KCNQ3: variants seen among roughly 807,000 people sequenced by gnomAD.
The protein encoded by KCNQ3 is potassium voltage-gated channel subfamily KQT member 3.
A neutral mutation model predicts 92.5 loss-of-function variants in KCNQ3; 30 were observed. That is an observed-to-expected ratio of 0.32 (90% confidence interval 0.24 to 0.44). KCNQ3 has a LOEUF of 0.44. KCNQ3 is among the 20% of genes least tolerant of loss of function. The probability of loss-of-function intolerance (pLI) is 1.00; values close to 1 mark genes in which losing one functional copy is unlikely to be tolerated. For synonymous variants in KCNQ3, 450 were observed against 468.8 expected, an observed-to-expected ratio of 0.96 and a Z score of 0.52; for missense variants, 913 against 1,140.3, an observed-to-expected ratio of 0.80 and a Z score of 2.87.
intron 1 of KCNQ3, among the ~76,000 whole-genome samples, chr8:132,228,652 A>G (rs1814519355): frequency 6.6e-6 from 1 of 152,042 alleles, no homozygotes; most frequent in Non-Finnish European, 1.5e-5. Context: ...AGTCCCCCGT[A>G]GTAAAGGTTC....
chr8:132,271,991 C>T (rs1816161881), intron 1 of KCNQ3, among the ~76,000 whole-genome samples: 1 of 152,162 alleles, frequency 6.6e-6, no homozygotes, highest in South Asian at 2.1e-4. Flanking sequence ...GGGCTCAGTT[C>T]CTGGCCTGAA....
chr8:132,153,857 C>T (rs1414623845), intron 9 of KCNQ3, among the ~76,000 whole-genome samples: 2 of 152,166 alleles, frequency 1.3e-5, no homozygotes, highest in Admixed American at 6.5e-5. Context: ...TTTTCCCTCC[C>T]TTATGTACCC....
intron 1 of KCNQ3, among the ~76,000 whole-genome samples, chr8:132,328,555 C>A (rs534628646): frequency 6.6e-6 from 1 of 152,190 alleles, no homozygotes; most frequent in South Asian, 2.1e-4. Flanking sequence ...TCTCCTGCAC[C>A]CCAATTTCCT....
intron 1 of KCNQ3, among the ~76,000 whole-genome samples, chr8:132,198,684 G>C (rs1040270330): frequency 1.3e-5 from 2 of 152,040 alleles, no homozygotes; most frequent in Non-Finnish European, 2.9e-5. Context: ...GCGGGTGCCT[G>C]CAATCCCAGC....
intron 1 of KCNQ3, among the ~76,000 whole-genome samples, chr8:132,367,351 AGCTAG>A (rs751076247): frequency 3.9e-4 from 60 of 152,328 alleles, no homozygotes; most frequent in Middle Eastern, 3.4e-3. Flanking sequence ...GTGTATAAAG[AGCTAG>A]GCCATGGTAT....
At chr8:132,452,151 A>G (rs557181301) in intron 1 of KCNQ3, among the ~76,000 whole-genome samples, 94 of 152,336 alleles carry the variant, frequency 6.2e-4, no homozygotes, top group African/African-American at 2.2e-3. Context: ...CATTAACCAC[A>G]TTCGCATCGT....
chr8:132,343,119 GA>G (rs1284557197), intron 1 of KCNQ3, among the ~76,000 whole-genome samples: 5 of 152,188 alleles, frequency 3.3e-5, no homozygotes, highest in African/African-American at 1.2e-4. Flanking sequence ...GGACTGCTGG[GA>G]CTGCTCACCT....
intron 9 of KCNQ3, among the ~76,000 whole-genome samples, chr8:132,157,546 T>C (rs1825839279): frequency 6.6e-6 from 1 of 152,178 alleles, no homozygotes; most frequent in Non-Finnish European, 1.5e-5. Context: ...GCTGGGAGAG[T>C]GTCTGCTCTG....
chr8:132,234,338 GTTTTTT>G (rs756218792), intron 1 of KCNQ3, among the ~76,000 whole-genome samples: 6 of 85,666 alleles, frequency 7.0e-5, no homozygotes, highest in South Asian at 4.7e-4. Context: ...TCCATGAAAA[GTTTTTT>G]TTTTTTTTTT....
intron 1 of KCNQ3, among the ~76,000 whole-genome samples, chr8:132,370,631 A>G (rs1272910082): frequency 1.3e-5 from 2 of 152,034 alleles, no homozygotes; most frequent in Admixed American, 1.3e-4. Context: ...CAACGGGGGA[A>G]CTCGTTACAC....
chr8:132,138,902 C>A (rs1179613373), intron 11 of KCNQ3, among the ~76,000 whole-genome samples: 1 of 152,196 alleles, frequency 6.6e-6, no homozygotes, highest in Non-Finnish European at 1.5e-5. Flanking sequence ...CATCTTTGTG[C>A]CACTTTATAA....
intron 1 of KCNQ3, among the ~76,000 whole-genome samples, chr8:132,387,986 AGG>A (rs1819936686): frequency 6.8e-6 from 1 of 148,040 alleles, no homozygotes; most frequent in Admixed American, 6.7e-5. Context: ...GAAGAGGAAG[AGG>A]AAGAGGAAGA....
At chr8:132,372,320 T>G (rs1462156810) in intron 1 of KCNQ3, among the ~76,000 whole-genome samples, 1 of 152,204 alleles carries the variant, frequency 6.6e-6, no homozygotes, top group African/African-American at 2.4e-5. Flanking sequence ...TCTCTGACAC[T>G]GTCTTATTTC....
Position 132,269,448 on chromosome 8 carries a change from A to C in KCNQ3, c.387-83267T>G, listed in dbSNP as rs143544683. The stretch of plus-strand genomic sequence containing the variant: ...TTGCATCTGGATCTCTGGTTGTTTC[A>C]GCACCATTTGTTGAAAAGACTATCT... On this transcript the variant is annotated intron_variant, in intron 1 of 14. Transcript: ENST00000388996. Among the ~76,000 whole-genome samples the C allele has an allele frequency of 2.5e-3, 381 of 152,266 alleles. 3 individuals carry two copies. The highest frequency in any genetic ancestry group is 8.9e-3 in the African/African-American group (370 of 41,562).
intron 1 of KCNQ3, among the ~76,000 whole-genome samples, chr8:132,425,471 T>C (rs1821085354): frequency 6.6e-6 from 1 of 152,146 alleles, no homozygotes; most frequent in African/African-American, 2.4e-5. Context: ...GTATGGGAAA[T>C]GCCTAGCACA....
chr8:132,396,549 G>T (rs2673607), intron 1 of KCNQ3, among the ~76,000 whole-genome samples: 127,701 of 151,754 alleles, frequency 0.84, 54,095 homozygotes, highest in Middle Eastern at 0.94. Context: ...TTGCCGCCTG[G>T]TAGTTCAAAA....
intron 4 of KCNQ3, 149 bp downstream of exon 4, chr8:132,180,008 G>T: frequency 1.1e-6 from 1 of 937,206 alleles, no homozygotes; most frequent in Non-Finnish European, 1.7e-6. Context: ...GCCACTTCCT[G>T]TTTCTCCTCC....
intron 4 of KCNQ3, among the ~76,000 whole-genome samples, chr8:132,177,974 G>A (rs1252542853): frequency 6.6e-6 from 1 of 152,172 alleles, no homozygotes; most frequent in African/African-American, 2.4e-5. Context: ...CCACCCCTGG[G>A]AAACAGTCTC....
At chr8:132,292,808 C>A (rs1816895682) in intron 1 of KCNQ3, among the ~76,000 whole-genome samples, 1 of 152,164 alleles carries the variant, frequency 6.6e-6, no homozygotes, top group African/African-American at 2.4e-5. Flanking sequence ...GTCCTTCTTT[C>A]ACCTGCCCAG....
Sources: gnomAD v4.1 joint callset for allele counts (sites outside exome capture counted in the v4.1 genomes callset) on GRCh38, gnomAD v4.1.1 for gene constraint, MANE v1.5 for transcripts, NCBI Gene and HGNC (gene_info 2026-07-23, HGNC 2026-07-21) for gene names.